The following ZC3H18 variants were observed in gnomAD, a reference collection of about 807,000 sequenced individuals.
ZC3H18 encodes the protein zinc finger CCCH domain-containing protein 18.
Under a neutral mutation model 106.1 loss-of-function variants are expected in ZC3H18, and 8 were observed. That is an observed-to-expected ratio of 0.08 (90% confidence interval 0.04 to 0.14). The LOEUF is 0.14. Among genes scored for constraint, ZC3H18 ranks in the 10% least tolerant of loss-of-function variants. The pLI, the probability that ZC3H18 is intolerant of heterozygous loss-of-function variation, is 1.00. For synonymous variants in ZC3H18, 635 were observed against 522.1 expected, an observed-to-expected ratio of 1.22 and a Z score of -2.95; for missense variants, 1,318 against 1,278.4, an observed-to-expected ratio of 1.03 and a Z score of -0.47.
At position 88,627,558 on chromosome 16, in the gene ZC3H18, C is replaced by T; in HGVS notation, c.2109-64C>T. 1 of 1,537,806 alleles carries T rather than the reference C, an allele frequency of 6.5e-7. No individual in the cohort carries two copies. Among genetic ancestry groups the T allele is most frequent in the Non-Finnish European group, 8.8e-7 (1 of 1,137,494 alleles). ...CACTGCGTAAAAGTGGACCATGGAG[C>T]ACCCCCTGCTGGCCCCTCCCTCCAG... is the stretch of plus-strand genomic sequence containing the variant. On this transcript the variant is annotated intron_variant, in intron 13 of 17. Transcript: ENST00000301011. The surrounding 1 kb of genome is among the most constrained non-coding windows in gnomAD (Gnocchi z 4.5).
rs2142584231 is a variant in ZC3H18 at position 88,586,588 on chromosome 16, T to C, written c.604-12T>C. The C allele has an allele frequency of 6.2e-7, 1 of 1,613,336 alleles. No individual in the cohort carries two copies. Among genetic ancestry groups the C allele is most frequent in the South Asian group, 1.1e-5 (1 of 91,078 alleles). The stretch of plus-strand genomic sequence containing the variant: ...TGCCTCCCCCACGCTAAGACGGTGT[T>C]CTCTGTTTCAGGATGATGACCTGGA... On this transcript the variant is annotated splice_polypyrimidine_tract_variant and intron_variant, in intron 2 of 17. Transcript: ENST00000301011.
intron 8 of ZC3H18, among the ~76,000 whole-genome samples, chr16:88,617,329 C>T (rs752368104): frequency 1.1e-4 from 16 of 152,150 alleles, no homozygotes; most frequent in African/African-American, 2.9e-4. Flanking sequence ...CCGCTCTCTC[C>T]GTCCTAGTTT....
At chr16:88,593,251 A>T (rs1897366896) in intron 3 of ZC3H18, among the ~76,000 whole-genome samples, 1 of 152,108 alleles carries the variant, frequency 6.6e-6, no homozygotes, top group Non-Finnish European at 1.5e-5. Flanking sequence ...ACCTGCCCCC[A>T]GTGATCCTGG....
At chr16:88,623,407 G>A (rs1046036522) in intron 10 of ZC3H18, 63 bp downstream of exon 10, 15 of 1,586,380 alleles carry the variant, frequency 9.5e-6, no homozygotes, top group Middle Eastern at 1.7e-4. Flanking sequence ...ACCTGCGGAT[G>A]TGGCTTTAGT....
intron 6 of ZC3H18, chr16:88,608,691 T>C (rs965045618): frequency 1.1e-5 from 3 of 274,450 alleles, no homozygotes; most frequent in Non-Finnish European, 2.1e-5. Flanking sequence ...GAGTATTTTT[T>C]ATCAAAAAGG....
intron 7 of ZC3H18, among the ~76,000 whole-genome samples, chr16:88,609,961 C>T (rs897413975): frequency 9.2e-5 from 14 of 152,054 alleles, no homozygotes; most frequent in Admixed American, 7.2e-4. Context: ...TCCAGGGGTG[C>T]CTGCGTCTCC....
chr16:88,597,063 G>C (rs1203912464), intron 3 of ZC3H18, among the ~76,000 whole-genome samples: 1 of 152,192 alleles, frequency 6.6e-6, no homozygotes, highest in Non-Finnish European at 1.5e-5. Context: ...TGGGACTACA[G>C]GCACCTGCCA....
intron 10 of ZC3H18, 121 bp downstream of exon 10, chr16:88,623,465 T>A: frequency 1.5e-6 from 2 of 1,341,006 alleles, no homozygotes; most frequent in South Asian, 1.4e-5. Flanking sequence ...TGCTGGCAGC[T>A]GAACTAGGAT....
rs779047220 is a variant in ZC3H18, at chr16:88,631,130, G to A, written c.2693G>A (p.Ser898Asn). 21 of 1,612,888 alleles carry A rather than the reference G, an allele frequency of 1.3e-5. No homozygotes were observed. Among genetic ancestry groups the A allele is most frequent in the Non-Finnish European group, 1.8e-5 (21 of 1,180,020 alleles). Residue 898 changes from serine (S) to asparagine (N), a missense_variant, in exon 18 of 18, where the codon AGC becomes AAC. Around this residue, in one of 6 missense-constraint regions of ZC3H18, gnomAD observed 848 missense variants for 821.7 expected, o/e 1.03. Coordinates refer to ENST00000301011, the MANE Select transcript of ZC3H18 (RefSeq NM_144604.4). The part of the protein sequence containing the change: ...RKRQLSPQSK[S>N]SSKVTSVPGK... ...CGCCAGCTGTCACCCCAGTCCAAGA[G>A]CTCCAGCAAGGTCACGAGCGTGCCC...
intron 2 of ZC3H18, among the ~76,000 whole-genome samples, chr16:88,582,219 C>CTTTTTTTTTTTTTTTTTTTTTTT (rs71391393): frequency 1.3e-5 from 1 of 77,194 alleles, no homozygotes; most frequent in Admixed American, 2.0e-4. Flanking sequence ...TTTTTCTTTT[C>CTTTTTTTTTTTTTTTTTTTTTTT]TTTTTTTTTT....
Position 88,598,309 on chromosome 16 carries a change from A to T in ZC3H18, c.820A>T (p.Met274Leu). Residue 274 changes from methionine (M) to leucine (L), a missense_variant, in exon 4 of 18, where the codon ATG becomes TTG. Transcript: ENST00000301011. The stretch of plus-strand genomic sequence containing the variant: ...CCCGCCTCTCGGACCTCACCCGCTG[A>T]TGCCCGCCAACCCTTGGGTGCGTGA... ...GAPPLGPHPL[M>L]PANPWGGPVV... The T allele has an allele frequency of 6.2e-7, 1 of 1,604,012 alleles. No individual in the cohort carries two copies. The highest frequency in any genetic ancestry group is 8.5e-7 in the Non-Finnish European group (1 of 1,177,078).
rs368906520 is a variant in ZC3H18, at chr16:88,628,758, G to T, written c.2470G>T (p.Ala824Ser). ...CTCACTGGCCTCTCTCTTGTCCCAG[G>T]CGGCTGATAAAGGAAGCAGGAAGCG... is the stretch of plus-strand genomic sequence containing the variant. ...KEIKLTLLNK[A>S]ADKGSRKRYE... The change falls in exon 16 of 18, where the codon GCG becomes TCG. Residue 824 changes from alanine (A) to serine (S), a missense_variant and splice_region_variant. Physicochemically the swap from Ala to Ser is moderately conservative, Grantham distance 99. This residue lies in a region of ZC3H18 where 848 missense variants were observed against 821.7 expected (regional missense o/e 1.03). Transcript: ENST00000301011. 9.9e-6 allele frequency: 16 copies of T among 1,613,858 alleles called. No homozygotes were observed. Among genetic ancestry groups the T allele is most frequent in the Middle Eastern group, 1.6e-4 (1 of 6,084 alleles).
At chr16:88,618,124 C>T (rs1040505011) in intron 8 of ZC3H18, among the ~76,000 whole-genome samples, 4 of 152,148 alleles carry the variant, frequency 2.6e-5, no homozygotes, top group African/African-American at 4.8e-5. Flanking sequence ...AGTGAGGCCG[C>T]CTGGCCTTCT....
rs564533562 is a variant in ZC3H18 at position 88,623,964 on chromosome 16, G to A, written c.1800G>A (p.Arg600=). The change falls in exon 11 of 18, where the codon CGG becomes CGA. Residue 600 remains arginine (R), a synonymous_variant. Transcript: ENST00000301011. ...CCTTTGTTCACTCCCCTAGGTCCCG[G>A]TCCTTCTCTTCGTCCCCGTCCCCGT... ...SSFSGSRSRS[R]SFSSSPSPSP... is the part of the protein sequence containing the mutation. The A allele has an allele frequency of 3.1e-6, 5 of 1,611,944 alleles. No homozygotes were observed. The highest frequency in any genetic ancestry group is 1.3e-5 in the African/African-American group (1 of 74,968).
At chr16:88,611,859 C>T (rs760715904) in intron 8 of ZC3H18, among the ~76,000 whole-genome samples, 29 of 152,234 alleles carry the variant, frequency 1.9e-4, no homozygotes, top group Admixed American at 6.5e-4. Context: ...TTGTATACCA[C>T]GCACGGTGTG....
rs1194588517 is a variant in ZC3H18 at position 88,631,730 on chromosome 16, T to TC, written c.*436dup. 1.2e-5 allele frequency: 5 copies of TC among 409,220 alleles called. No homozygotes were observed. The East Asian group carries it at 3.9e-4, about 32-fold the overall frequency. 25.3% of individuals were successfully genotyped at this position (409,220 alleles called of 1,614,324 possible). On this transcript the variant is annotated 3_prime_UTR_variant, in exon 18 of 18. Coordinates refer to ENST00000301011, the MANE Select transcript of ZC3H18 (RefSeq NM_144604.4). ...AACCACTGGTGGCACATCCTTCTCCTCCCCCGCCCCTGATCACCCGCCCCC... is the reference window on the plus strand; with the variant it reads ...AACCACTGGTGGCACATCCTTCTCCTCCCCCCGCCCCTGATCACCCGCCCCC...
In ZC3H18 at chr16:88,631,412, G is replaced by T; in HGVS notation, c.*113G>T. The T allele has an allele frequency of 5.4e-5, 75 of 1,386,876 alleles. No homozygotes were observed. The highest frequency in any genetic ancestry group is 2.3e-4 in the East Asian group (9 of 38,532). 85.9% of individuals were successfully genotyped at this position (1,386,876 alleles called of 1,614,324 possible). A position where few individuals can be genotyped will look rare whatever the true frequency, so the allele number is the denominator to read the frequency against. Reference sequence around the variant, plus strand: ...GTGATTCTTTTTAAAAAGTAAAAAAGAAAAAAAAGTTTCTCAGCTGGAAAA... The same window carrying T: ...GTGATTCTTTTTAAAAAGTAAAAAATAAAAAAAAGTTTCTCAGCTGGAAAA... On this transcript the variant is annotated 3_prime_UTR_variant, in exon 18 of 18. Coordinates refer to ENST00000301011, the MANE Select transcript of ZC3H18 (RefSeq NM_144604.4).
chr16:88,582,750 G>C (rs1294688291), intron 2 of ZC3H18, among the ~76,000 whole-genome samples: 3 of 152,186 alleles, frequency 2.0e-5, no homozygotes, highest in African/African-American at 7.2e-5. Context: ...TTACAGCTCT[G>C]AGGCCTCAGA....
intron 16 of ZC3H18, 66 bp downstream of exon 16, chr16:88,628,920 G>T (rs916215160): frequency 1.9e-6 from 3 of 1,552,134 alleles, no homozygotes; most frequent in Non-Finnish European, 2.7e-6. Flanking sequence ...GAGCAGCTGG[G>T]TCTGAGACCC....
Sources: allele counts gnomAD v4.1 joint callset (sites outside exome capture counted in the v4.1 genomes callset), GRCh38; gene constraint gnomAD v4.1.1; regional missense constraint gnomAD v4.1.1; non-coding constraint Gnocchi (gnomAD v3.1); transcripts MANE v1.5; gene names NCBI Gene and HGNC (gene_info 2026-07-23, HGNC 2026-07-21).